NAV1: variants seen among roughly 807,000 people sequenced by gnomAD.
NAV1 encodes the protein neuron navigator 1, also known as pore membrane and/or filament interacting like protein 3.
A neutral mutation model predicts 175.2 loss-of-function variants in NAV1; 18 were observed. The ratio of observed to expected loss-of-function variants is 0.10; its 90% CI spans 0.07 to 0.15. NAV1 has a LOEUF of 0.15. Ranked by LOEUF, NAV1 falls within the 10% of genes least tolerant of loss-of-function variation. The pLI, the probability that NAV1 is intolerant of heterozygous loss-of-function variation, is 1.00. For synonymous variants in NAV1, 897 were observed against 978.7 expected (o/e 0.92, Z 1.56); for missense variants, 1,731 against 2,436.6 (o/e 0.71, Z 6.10).
chr1:201,753,466 G>C (rs1230793762), intron 3 of NAV1, among the ~76,000 whole-genome samples: 2 of 152,186 alleles, frequency 1.3e-5, no homozygotes, highest in African/African-American at 4.8e-5. Flanking sequence ...AGTGGTTAAA[G>C]TTGGTATAAG....
chr1:201,823,610 C>T (rs1679512376), exon 30 of NAV1: 1 of 152,156 alleles, frequency 6.6e-6, no homozygotes, highest in Admixed American at 6.5e-5. Context: ...CATGGGAAGA[C>T]CCTACAATGA....
rs748544917 is a variant in NAV1 at position 201,790,592 on chromosome 1, C to G, written c.3243+15C>G. On this transcript the variant is annotated intron_variant, in intron 12 of 29. Transcript: ENST00000367296. ...TGCAATCTGAGGTAGGGTGGAAAGC[C>G]TTTGTCTCTGCTTGTTAACATCACT... 1.9e-6 allele frequency: 3 copies of G among 1,613,964 alleles called. No homozygotes were observed. In the African/African-American group the frequency reaches 4.0e-5, roughly 22 times the overall value.
chr1:201,661,787 T>C (rs548940517), intron 1 of NAV1, among the ~76,000 whole-genome samples: 1 of 152,306 alleles, frequency 6.6e-6, no homozygotes, highest in South Asian at 2.1e-4. Flanking sequence ...CTGTAGCCCC[T>C]GATTTCTAGA....
intron 3 of NAV1, among the ~76,000 whole-genome samples, chr1:201,773,639 T>C (rs1675737944): frequency 6.6e-6 from 1 of 151,910 alleles, no homozygotes; most frequent in South Asian, 2.1e-4. Context: ...GAAAAAGGAG[T>C]TGAAGACATA....
At chr1:201,743,524 G>A (rs184825142) in intron 3 of NAV1, among the ~76,000 whole-genome samples, 4 of 152,188 alleles carry the variant, frequency 2.6e-5, no homozygotes, top group Non-Finnish European at 4.4e-5. Flanking sequence ...CTACCTTACT[G>A]GGATGTAATG....
At chr1:201,563,425 G>A (rs1276915390) in intron 1 of NAV1, among the ~76,000 whole-genome samples, 1 of 151,768 alleles carries the variant, frequency 6.6e-6, no homozygotes, top group Non-Finnish European at 1.5e-5. Flanking sequence ...AAAAGCATAC[G>A]AGACCACAAT....
intron 1 of NAV1, among the ~76,000 whole-genome samples, chr1:201,675,624 G>A (rs10800790): frequency 0.35 from 53,603 of 151,992 alleles, 9,773 homozygotes; most frequent in East Asian, 0.48. Context: ...TTTAAATATC[G>A]TCTCTTTCCC....
In NAV1 at chr1:201,788,368, C is replaced by G; in HGVS notation, c.2996-100C>G. The G allele has an allele frequency of 1.6e-6, 2 of 1,285,546 alleles. No homozygotes were observed. The highest frequency in any genetic ancestry group is 1.5e-5 in the African/African-American group (1 of 68,768). 79.6% of individuals were successfully genotyped at this position (1,285,546 alleles called of 1,614,324 possible). On this transcript the variant is annotated intron_variant, in intron 9 of 29. Transcript: ENST00000367296. This position sits in a 1 kb window ranked among gnomAD's most constrained non-coding sequence, Gnocchi z 5.7. ...CCTCTCCCCATTTGCCTCTCATGCT[C>G]CCGGTGCTCCATCCCCCAAGGGCCC...
Position 201,673,222 on chromosome 1 carries a change from C to T in NAV1, c.757+23797C>T, listed in dbSNP as rs559731785. ...CGCATTTGATGGATTGCTTTTGAGT[C>T]CAACACTTCCGGCCCGTGGGCAGGC... On this transcript the variant is annotated intron_variant, in intron 1 of 29. Transcript: ENST00000367296. 4.5e-4 allele frequency: 69 copies of T among 152,352 alleles called. 1 individual carries two copies. Among genetic ancestry groups the T allele is most frequent in the African/African-American group, 1.6e-3 (67 of 41,580 alleles). The allele number at this position is 152,352 out of a possible 1,614,324, so 9.4% of individuals were successfully genotyped here.
chr1:201,589,060 C>T (rs1324978633), intron 2 of NAV1, among the ~76,000 whole-genome samples: 3 of 151,860 alleles, frequency 2.0e-5, no homozygotes, highest in Non-Finnish European at 2.9e-5. Flanking sequence ...ATCGGTCAGG[C>T]TGGTCTCAAA....
In NAV1 at chr1:201,718,608, T is replaced by C. The variant is rs1210323894; in HGVS notation, c.1079T>C (p.Met360Thr). 6.2e-7 allele frequency: 1 copy of C among 1,614,100 alleles called. No homozygotes were observed. The highest frequency in any genetic ancestry group is 1.7e-5 in the Admixed American group (1 of 60,030). The change falls in exon 3 of 30, where the codon ATG becomes ACG. Residue 360 changes from methionine to threonine, a missense_variant. Coordinates refer to ENST00000367296, the Ensembl canonical transcript of NAV1. The surrounding 1 kb of genome is among the most constrained non-coding windows in gnomAD (Gnocchi z 4.8). The stretch of plus-strand genomic sequence containing the variant: ...GCCCACTACTCCCACACCATGCCCA[T>C]GCGCAGCCCCAGCAAGCTCAGCCAT...
intron 2 of NAV1, among the ~76,000 whole-genome samples, chr1:201,591,535 T>C (rs1667194208): frequency 6.6e-6 from 1 of 152,070 alleles, no homozygotes; most frequent in South Asian, 2.1e-4. Flanking sequence ...AAGGAGGGTG[T>C]GAGGAGCTAG....
At chr1:201,783,379 T>C in intron 6 of NAV1, 27 bp from the exon 11 acceptor site, 1 of 1,603,432 alleles carries the variant, frequency 6.2e-7, no homozygotes, top group Non-Finnish European at 8.5e-7. Flanking sequence ...TCTATTATTC[T>C]AAATATTTCG....
intron 3 of NAV1, among the ~76,000 whole-genome samples, chr1:201,763,610 T>G (rs1034636046): frequency 6.6e-6 from 1 of 152,156 alleles, no homozygotes; most frequent in Admixed American, 6.5e-5. Flanking sequence ...TCACCCACAG[T>G]TGGTCCTAAT....
chr1:201,683,767 G>A lies in NAV1; in HGVS notation c.758-29050G>A, dbSNP rs76042313. On this transcript the variant is annotated intron_variant, in intron 1 of 29. Coordinates refer to ENST00000367296, the Ensembl canonical transcript of NAV1. ...GGTGGTGTTCATTGAGTTTCTCCAC[G>A]GAGTGTTACTGTCCTCTGTCCCCTC... is the stretch of plus-strand genomic sequence containing the variant. Among the ~76,000 whole-genome samples, 1,157 of 152,148 alleles carry A rather than the reference G, an allele frequency of 7.6e-3. 16 individuals carry two copies. Among genetic ancestry groups the A allele is most frequent in the African/African-American group, 0.026 (1,078 of 41,470 alleles).
At chr1:201,790,494 A>G (rs1677044699) in intron 11 of NAV1, 60 bp from the exon 16 acceptor site, 13 of 1,598,746 alleles carry the variant, frequency 8.1e-6, no homozygotes, top group Non-Finnish European at 1.0e-5. Flanking sequence ...TGACTTCTTC[A>G]CCTCCATAGT....
chr1:201,760,147 A>T (rs1273800771), intron 3 of NAV1, among the ~76,000 whole-genome samples: 1 of 152,216 alleles, frequency 6.6e-6, no homozygotes, highest in Non-Finnish European at 1.5e-5. Context: ...CCTACTAGGG[A>T]TTGCTGAAGC....
intron 2 of NAV1, among the ~76,000 whole-genome samples, chr1:201,606,515 G>A (rs1667683206): frequency 6.6e-6 from 1 of 152,206 alleles, no homozygotes; most frequent in Non-Finnish European, 1.5e-5. Context: ...GAACTTCACA[G>A]GCAGAAGAGC....
At chr1:201,657,633 G>A (rs1043221171) in intron 1 of NAV1, among the ~76,000 whole-genome samples, 5 of 152,292 alleles carry the variant, frequency 3.3e-5, no homozygotes, top group Middle Eastern at 3.4e-3. Context: ...GCTCCCTGCC[G>A]GGGACCCACG....
Sources: allele counts gnomAD v4.1 joint callset (sites outside exome capture counted in the v4.1 genomes callset), GRCh38; gene constraint gnomAD v4.1.1; non-coding constraint Gnocchi (gnomAD v3.1); transcripts MANE v1.5; gene names NCBI Gene and HGNC (gene_info 2026-07-23, HGNC 2026-07-21).